Variants in CLEC6A observed in about 807,000 individuals in gnomAD.
CLEC6A encodes the protein C-type lectin domain family 6 member A.
In CLEC6A, 22 loss-of-function variants were observed where a neutral mutation model predicts 25.7. That is an observed-to-expected ratio of 0.85 (90% CI 0.61 to 1.22). CLEC6A has a LOEUF of 1.22. Ranked by LOEUF, CLEC6A falls within the 50% of genes most tolerant of loss-of-function variation. CLEC6A has a pLI of 0.00. For synonymous variants in CLEC6A, 92 were observed against 76.7 expected (o/e 1.20, Z -1.04); for missense variants, 240 against 236.8 (o/e 1.01, Z -0.09).
intron 1 of CLEC6A, among the ~76,000 whole-genome samples, chr12:8,456,496 A>G (rs1160104142): frequency 6.6e-6 from 1 of 152,158 alleles, no homozygotes; most frequent in African/African-American, 2.4e-5. Flanking sequence ...CTTTCCAATT[A>G]CCCTAAGTTT....
At chr12:8,468,936 A>G (rs1320635105) in intron 4 of CLEC6A, among the ~76,000 whole-genome samples, 6 of 152,214 alleles carry the variant, frequency 3.9e-5, no homozygotes, top group African/African-American at 1.4e-4. Context: ...AGTCCTAGCC[A>G]GAGCAATCAG....
rs778830183 is a variant in CLEC6A, at chr12:8,477,360, T to C, written c.526T>C (p.Cys176Arg). Residue 176 changes from cysteine to arginine, a missense_variant, in exon 6 of 6, where the codon TGT becomes CGT. By Grantham distance (180) the Cys-to-Arg change is radical (BLOSUM62 -3). Transcript: ENST00000382073. The part of the protein sequence containing the change: ...LGEPNHSAEQ[C>R]ASIVFWKPTG... ...TGAGCCCAATCATTCTGCAGAGCAA[T>C]GTGCTTCAATAGTCTTCTGGAAACC... 8.1e-6 allele frequency: 13 copies of C among 1,612,354 alleles called. No individual in the cohort carries two copies. In the South Asian group the frequency reaches 8.8e-5, roughly 11 times the overall value.
intron 4 of CLEC6A, among the ~76,000 whole-genome samples, chr12:8,475,022 T>A (rs929320017): frequency 2.6e-5 from 4 of 152,068 alleles, no homozygotes; most frequent in Admixed American, 1.3e-4. Flanking sequence ...TCCTAATGCT[T>A]TCCCTCCCCT....
chr12:8,467,178 G>C (rs1021937730), intron 4 of CLEC6A, among the ~76,000 whole-genome samples: 2 of 152,048 alleles, frequency 1.3e-5, no homozygotes, highest in Non-Finnish European at 2.9e-5. Context: ...CCTTTGCTTT[G>C]TAGAAGTTTT....
At chr12:8,458,444 G>A (rs1341854384) in intron 2 of CLEC6A, among the ~76,000 whole-genome samples, 1 of 152,178 alleles carries the variant, frequency 6.6e-6, no homozygotes. Context: ...AGATAAAGAG[G>A]ATAAAATATT....
chr12:8,475,646 G>T (rs1939963989), intron 4 of CLEC6A, among the ~76,000 whole-genome samples: 1 of 151,984 alleles, frequency 6.6e-6, no homozygotes, highest in African/African-American at 2.4e-5. Context: ...TCTGCCTTTT[G>T]TTCTATTCAG....
chr12:8,458,699 C>G (rs1358754337), intron 2 of CLEC6A, among the ~76,000 whole-genome samples: 2 of 152,010 alleles, frequency 1.3e-5, no homozygotes, highest in African/African-American at 4.8e-5. Context: ...ATAATTATCA[C>G]CAAAGTTAGA....
chr12:8,457,478 A>C (rs1939692627), intron 1 of CLEC6A, among the ~76,000 whole-genome samples: 1 of 152,162 alleles, frequency 6.6e-6, no homozygotes, highest in South Asian at 2.1e-4. Context: ...TCATCTGTTG[A>C]TGGACACTTA....
intron 4 of CLEC6A, among the ~76,000 whole-genome samples, chr12:8,467,819 T>A (rs1419517259): frequency 6.6e-6 from 1 of 152,244 alleles, no homozygotes; most frequent in Non-Finnish European, 1.5e-5. Flanking sequence ...GTATTTCCAT[T>A]GATTTGTGTC....
chr12:8,475,359 T>C lies in CLEC6A; in HGVS notation c.370-766T>C, dbSNP rs147882938. Among the ~76,000 whole-genome samples, 750 of 152,076 alleles carry C rather than the reference T, an allele frequency of 4.9e-3. 10 individuals are homozygous for C. The highest frequency in any genetic ancestry group is 0.017 in the African/African-American group (725 of 41,462). Reference sequence around the variant, plus strand: ...ATATATATGTATGTGTGTGTGTGTGTGTGTGTGTCTATACACACACTCATA... The same window carrying C: ...ATATATATGTATGTGTGTGTGTGTGCGTGTGTGTCTATACACACACTCATA... On this transcript the variant is annotated intron_variant, in intron 4 of 5. Transcript: ENST00000382073.
At chr12:8,468,288 A>T (rs1310005358) in intron 4 of CLEC6A, among the ~76,000 whole-genome samples, 1 of 152,040 alleles carries the variant, frequency 6.6e-6, no homozygotes, top group Non-Finnish European at 1.5e-5. Context: ...TTCTTTTTAG[A>T]TTGTTTATTT....
At chr12:8,462,870 A>G (rs1565482377) in intron 3 of CLEC6A, among the ~76,000 whole-genome samples, 1 of 152,178 alleles carries the variant, frequency 6.6e-6, no homozygotes, top group Non-Finnish European at 1.5e-5. Flanking sequence ...AGAAACACCC[A>G]CAGGTGTGGA....
chr12:8,458,291 G>T (rs574531080), intron 2 of CLEC6A, among the ~76,000 whole-genome samples: 4 of 152,256 alleles, frequency 2.6e-5, no homozygotes, highest in South Asian at 2.1e-4. Context: ...ACTAGTAATT[G>T]TGTGTTCCCT....
intron 1 of CLEC6A, among the ~76,000 whole-genome samples, chr12:8,456,905 T>A (rs1200360311): frequency 6.6e-6 from 1 of 151,770 alleles, no homozygotes; most frequent in Non-Finnish European, 1.5e-5. Context: ...AGGTCAGGAG[T>A]TAGAGACCAG....
At chr12:8,467,015 T>G (rs1319675397) in intron 4 of CLEC6A, among the ~76,000 whole-genome samples, 1 of 152,222 alleles carries the variant, frequency 6.6e-6, no homozygotes, top group East Asian at 1.9e-4. Context: ...TCTATTCAAG[T>G]CCTTTGCCCT....
intron 4 of CLEC6A, among the ~76,000 whole-genome samples, chr12:8,474,448 T>C (rs1274961885): frequency 2.0e-5 from 3 of 152,250 alleles, no homozygotes; most frequent in African/African-American, 7.2e-5. Flanking sequence ...TTTGTAGCAG[T>C]ACTCTAATGT....
At chr12:8,474,837 G>A (rs750049541) in intron 4 of CLEC6A, among the ~76,000 whole-genome samples, 1 of 152,148 alleles carries the variant, frequency 6.6e-6, no homozygotes, top group African/African-American at 2.4e-5. Flanking sequence ...AAAACCTAGT[G>A]AGCTCTCTAT....
intron 2 of CLEC6A, among the ~76,000 whole-genome samples, 173 bp from the exon 3 acceptor site, chr12:8,459,424 A>T (rs1341102259): frequency 6.6e-6 from 1 of 152,100 alleles, no homozygotes. Context: ...GGATATATAT[A>T]AAAAAATAAG....
chr12:8,476,723 G>C (rs914878672), intron 5 of CLEC6A, among the ~76,000 whole-genome samples: 1 of 151,972 alleles, frequency 6.6e-6, no homozygotes, highest in African/African-American at 2.4e-5. Flanking sequence ...GAGTTAGTTA[G>C]GGACCTTATT....
Sources: gnomAD v4.1 joint callset for allele counts (sites outside exome capture counted in the v4.1 genomes callset) on GRCh38, gnomAD v4.1.1 for gene constraint, MANE v1.5 for transcripts, NCBI Gene and HGNC (gene_info 2026-07-23, HGNC 2026-07-21) for gene names.